Variants in DHX16 observed in about 807,000 individuals in gnomAD.
DHX16 encodes pre-mRNA-splicing factor ATP-dependent RNA helicase DHX16.
In DHX16, 81 loss-of-function variants were observed where a neutral mutation model predicts 131.2. That is an observed-to-expected ratio of 0.62 (90% CI 0.52 to 0.74). The LOEUF (loss-of-function observed/expected upper bound fraction) is 0.74, where lower values mean the gene tolerates loss of function less well. Ranked by LOEUF, DHX16 falls within the 30% of genes least tolerant of loss-of-function variation. The pLI is 0.00. For missense variants in DHX16, 980 were observed against 1,363.1 expected (o/e 0.72, Z 4.43); for synonymous variants, 440 against 520.2 (o/e 0.85, Z 2.10).
chr6:30,653,319 T>C lies in DHX16; in HGVS notation c.3049A>G (p.Lys1017Glu). The change falls in exon 20 of 20, where the codon AAG (lysine) becomes GAG (glutamate). Residue 1017 changes from lysine to glutamate, a missense_variant. By Grantham distance (56) the Lys-to-Glu change is moderately conservative. Around this residue, in one of 3 missense-constraint regions of DHX16, gnomAD observed 214 missense variants for 271.2 expected, o/e 0.79. Coordinates refer to ENST00000376442, the MANE Select transcript of DHX16 (RefSeq NM_003587.5). ...WLLEVAPHYY[K>E]AKELEDPHAK... is the part of the protein sequence containing the mutation. Reference sequence around the variant, plus strand: ...TGGGGATCTTCTAGCTCCTTGGCCTTATAATAATGGGGAGCCACCTCCAGA... The same window carrying C: ...TGGGGATCTTCTAGCTCCTTGGCCTCATAATAATGGGGAGCCACCTCCAGA... The C allele has an allele frequency of 2.5e-6, 4 of 1,612,998 alleles. No homozygotes were observed. The highest frequency in any genetic ancestry group is 3.4e-6 in the Non-Finnish European group (4 of 1,179,998).
intron 1 of DHX16, 100 bp from the exon 2 acceptor site, chr6:30,671,374 G>A: frequency 8.8e-7 from 1 of 1,130,976 alleles, no homozygotes; most frequent in Non-Finnish European, 1.3e-6. Flanking sequence ...AGTCTTTCCT[G>A]CCCCCGCGGC....
Position 30,656,574 on chromosome 6 carries a change from CCT to C in DHX16, c.2311+21_2311+22del. Reference sequence around the variant, plus strand: ...AGGACAGTGACTCCAGCCCCTCCCTCCTCTCTCAGGTAGCCCAATCACCTAAG... The same window carrying C: ...AGGACAGTGACTCCAGCCCCTCCCTCCTCTCAGGTAGCCCAATCACCTAAG... On this transcript the variant is annotated intron_variant, in intron 14 of 19. Coordinates refer to ENST00000376442, the MANE Select transcript of DHX16 (RefSeq NM_003587.5). This position sits in a 1 kb window ranked among gnomAD's most constrained non-coding sequence, Gnocchi z 5.1. 2.5e-6 allele frequency: 4 copies of C among 1,614,186 alleles called. No homozygotes were observed. Among genetic ancestry groups the C allele is most frequent in the Non-Finnish European group, 2.5e-6 (3 of 1,180,032 alleles).
rs779786078 is a variant in DHX16, at chr6:30,670,919, C to G, written c.480G>C (p.Ser160=). 6.2e-7 allele frequency: 1 copy of G among 1,613,084 alleles called. No individual in the cohort carries two copies. Among genetic ancestry groups the G allele is most frequent in the Non-Finnish European group, 8.5e-7 (1 of 1,180,030 alleles). The part of the protein sequence containing the change: ...GSKQQTEKPE[S]EDEWERTERE... ...GCTCTGTCCGTTCCCACTCATCTTC[C>G]GACTCTGGCTTCTCTGTCTGCTGTT... The change falls in exon 3 of 20, where the codon TCG becomes TCC. Residue 160 remains serine, a synonymous_variant. Coordinates refer to ENST00000376442, the MANE Select transcript of DHX16 (RefSeq NM_003587.5). This position sits in a 1 kb window ranked among gnomAD's most constrained non-coding sequence, Gnocchi z 4.4.
In DHX16 at chr6:30,672,965, T is replaced by C. The variant is rs960053284; in HGVS notation, c.-124A>G. 2 of 1,552,694 alleles carry C rather than the reference T, an allele frequency of 1.3e-6. No homozygotes were observed. The highest frequency in any genetic ancestry group is 1.7e-6 in the Non-Finnish European group (2 of 1,147,524). ...TTCGCAAGTCAGCTACCTTGGGACC[T>C]CTAGGATCTTCCGACATCCCAAAGC... On this transcript the variant is annotated 5_prime_UTR_variant, in exon 1 of 20. Coordinates refer to ENST00000376442, the MANE Select transcript of DHX16 (RefSeq NM_003587.5).
At position 30,662,914 on chromosome 6, in the gene DHX16, A is replaced by G; in HGVS notation, c.1425T>C (p.Asn475=). The G allele has an allele frequency of 1.2e-6, 2 of 1,612,798 alleles. No homozygotes were observed. Among genetic ancestry groups the G allele is most frequent in the African/African-American group, 2.7e-5 (2 of 74,982 alleles). ...VAREMGVKLG[N]EVGYSIRFED... is the part of the protein sequence containing the mutation. ...CCCGGTTCCCTAGAAATCTCACCTC[A>G]TTCCCAAGCTTCACACCCATCTCCC... is the stretch of plus-strand genomic sequence containing the variant. Residue 475 remains asparagine, a synonymous_variant, in exon 8 of 20, where the codon AAT becomes AAC. Transcript: ENST00000376442. The surrounding 1 kb of genome is among the most constrained non-coding windows in gnomAD (Gnocchi z 4.7).
Position 30,665,867 on chromosome 6 carries a change from G to A in DHX16, c.667-134C>T. On this transcript the variant is annotated intron_variant, in intron 4 of 19. Coordinates refer to ENST00000376442, the MANE Select transcript of DHX16 (RefSeq NM_003587.5). The surrounding 1 kb of genome is among the most constrained non-coding windows in gnomAD (Gnocchi z 4.8). ...AGGATGCACCCTCTACCTTCCCTCT[G>A]CAATGCACAACCAAAACAATGACAT... The A allele has an allele frequency of 3.5e-6, 4 of 1,142,506 alleles. No individual in the cohort carries two copies. Among genetic ancestry groups the A allele is most frequent in the Non-Finnish European group, 3.6e-6 (3 of 825,342 alleles). The allele number at this position is 1,142,506 out of a possible 1,614,324, so 70.8% of individuals were successfully genotyped here. A position where few individuals can be genotyped will look rare whatever the true frequency, so the allele number is the denominator to read the frequency against.
Position 30,670,647 on chromosome 6 carries a change from A to T in DHX16, c.609+143T>A. ...CAGTTGTCTTAGCCACAGGATGCACAGGGCTTCTCTCACCACAGAGGTGAA... is the reference window on the plus strand; with the variant it reads ...CAGTTGTCTTAGCCACAGGATGCACTGGGCTTCTCTCACCACAGAGGTGAA... On this transcript the variant is annotated intron_variant, in intron 3 of 19. Coordinates refer to ENST00000376442, the MANE Select transcript of DHX16 (RefSeq NM_003587.5). The surrounding 1 kb of genome is among the most constrained non-coding windows in gnomAD (Gnocchi z 4.4). 7.8e-7 allele frequency: 1 copy of T among 1,278,672 alleles called. No individual in the cohort carries two copies. The allele number at this position is 1,278,672 out of a possible 1,614,324, so 79.2% of individuals were successfully genotyped here.
Position 30,662,576 on chromosome 6 carries a change from T to C in DHX16, c.1544+51A>G. ...GGTGGATTAATCAGAAGACAATGGC[T>C]GAATTGGCTGGGTGGGAAGAAGGGA... On this transcript the variant is annotated intron_variant, in intron 9 of 19. Transcript: ENST00000376442. This position sits in a 1 kb window ranked among gnomAD's most constrained non-coding sequence, Gnocchi z 4.7. The C allele has an allele frequency of 6.7e-7, 1 of 1,483,320 alleles. No individual in the cohort carries two copies. Among genetic ancestry groups the C allele is most frequent in the Non-Finnish European group, 9.4e-7 (1 of 1,064,380 alleles). 91.9% of individuals were successfully genotyped at this position (1,483,320 alleles called of 1,614,324 possible).
rs1769469589 is a variant in DHX16 at position 30,670,868 on chromosome 6, C to T, written c.531G>A (p.Glu177=). ...GAACCCGCTCAGCAAAGGCATCACG[C>T]TCCTCCAGGTCCTGAAGGCGTTCAC... ...TERERLQDLE[E]RDAFAERVRQ... The change falls in exon 3 of 20, where the codon GAG becomes GAA. Residue 177 remains glutamate, a synonymous_variant. Coordinates refer to ENST00000376442, the MANE Select transcript of DHX16 (RefSeq NM_003587.5). The surrounding 1 kb of genome is among the most constrained non-coding windows in gnomAD (Gnocchi z 4.4). 6.2e-7 allele frequency: 1 copy of T among 1,613,124 alleles called. No homozygotes were observed. Among genetic ancestry groups the T allele is most frequent in the Non-Finnish European group, 8.5e-7 (1 of 1,180,044 alleles).
chr6:30,668,862 T>C (rs1315062341), intron 4 of DHX16, among the ~76,000 whole-genome samples: 1 of 152,076 alleles, frequency 6.6e-6, no homozygotes, highest in East Asian at 1.9e-4. Context: ...TCCCAGCACT[T>C]TGGGAGGCCG....
chr6:30,671,922 A>G (rs1406996931), intron 1 of DHX16, among the ~76,000 whole-genome samples: 2 of 150,978 alleles, frequency 1.3e-5, no homozygotes, highest in African/African-American at 4.9e-5. Context: ...GGCTCAAGTA[A>G]TCCTCCTGCC....
Position 30,665,361 on chromosome 6 carries a change from GC to G in DHX16, c.922-88del. On this transcript the variant is annotated intron_variant, in intron 5 of 19. Coordinates refer to ENST00000376442, the MANE Select transcript of DHX16 (RefSeq NM_003587.5). The surrounding 1 kb of genome is among the most constrained non-coding windows in gnomAD (Gnocchi z 4.8). ...CTTCCCATTACTACCCCCGCCCACT[GC>G]CCATTGGGAACGGCAAGGCAAGAAA... is the stretch of plus-strand genomic sequence containing the variant. 1 of 1,585,162 alleles carries G rather than the reference GC, an allele frequency of 6.3e-7. No homozygotes were observed. Among genetic ancestry groups the G allele is most frequent in the South Asian group, 1.1e-5 (1 of 89,174 alleles).
chr6:30,662,577 G>T lies in DHX16; in HGVS notation c.1544+50C>A. On this transcript the variant is annotated intron_variant, in intron 9 of 19. Coordinates refer to ENST00000376442, the MANE Select transcript of DHX16 (RefSeq NM_003587.5). The surrounding 1 kb of genome is among the most constrained non-coding windows in gnomAD (Gnocchi z 4.7). ...GTGGATTAATCAGAAGACAATGGCT[G>T]AATTGGCTGGGTGGGAAGAAGGGAG... The T allele has an allele frequency of 6.7e-7, 1 of 1,490,862 alleles. No individual in the cohort carries two copies. The highest frequency in any genetic ancestry group is 9.3e-7 in the Non-Finnish European group (1 of 1,070,984). The allele number at this position is 1,490,862 out of a possible 1,614,324, so 92.4% of individuals were successfully genotyped here. A position where few individuals can be genotyped will look rare whatever the true frequency, so the allele number is the denominator to read the frequency against.
chr6:30,671,266 T>C lies in DHX16; in HGVS notation c.216A>G (p.Arg72=). 1 of 1,612,930 alleles carries C rather than the reference T, an allele frequency of 6.2e-7. No individual in the cohort carries two copies. The highest frequency in any genetic ancestry group is 1.1e-5 in the South Asian group (1 of 91,084). Residue 72 remains arginine (R), a synonymous_variant, in exon 2 of 20, where the codon CGA becomes CGG. Transcript: ENST00000376442. ...FALRLWNKVP[R]KAVVEKPARA... The stretch of plus-strand genomic sequence containing the variant: ...GAGCTGGCTTTTCTACCACTGCCTT[T>C]CGTGGTACCTGTCAGTAGAGGGGAA...
chr6:30,669,554 G>C (rs1235555599), intron 4 of DHX16, among the ~76,000 whole-genome samples: 1 of 151,376 alleles, frequency 6.6e-6, no homozygotes, highest in African/African-American at 2.4e-5. Flanking sequence ...TCAGGGGTTC[G>C]AGACCACCCT....
At chr6:30,657,378 G>C (rs3094100) in intron 12 of DHX16, among the ~76,000 whole-genome samples, 22,621 of 150,204 alleles carry the variant, frequency 0.15, 2,843 homozygotes, top group African/African-American at 0.33. Context: ...GTTCCTGCCC[G>C]ATCCTCCCCA....
Position 30,656,520 on chromosome 6 carries a change from G to A in DHX16, c.2312-11C>T. ...TTAGGTCATGGATCCCTAGAAAGAGGTGTGATGGATGGAACAGAGTCCCTT... is the reference window on the plus strand; with the variant it reads ...TTAGGTCATGGATCCCTAGAAAGAGATGTGATGGATGGAACAGAGTCCCTT... On this transcript the variant is annotated splice_polypyrimidine_tract_variant and intron_variant, in intron 14 of 19. Coordinates refer to ENST00000376442, the MANE Select transcript of DHX16 (RefSeq NM_003587.5). The surrounding 1 kb of genome is among the most constrained non-coding windows in gnomAD (Gnocchi z 5.1). 1 of 1,614,126 alleles carries A rather than the reference G, an allele frequency of 6.2e-7. No individual in the cohort carries two copies.
At chr6:30,658,847 T>G (rs1768217505) in intron 12 of DHX16, among the ~76,000 whole-genome samples, 1 of 152,186 alleles carries the variant, frequency 6.6e-6, no homozygotes, top group Non-Finnish European at 1.5e-5. Context: ...GCTCACACTC[T>G]GACCTCAAAC....
chr6:30,667,930 CAG>C (rs1459260011), intron 4 of DHX16, among the ~76,000 whole-genome samples: 1 of 152,156 alleles, frequency 6.6e-6, no homozygotes. Flanking sequence ...GTGAGACAGA[CAG>C]AGAGAGAAAC....
Sources: gnomAD v4.1 joint callset for allele counts (sites outside exome capture counted in the v4.1 genomes callset) on GRCh38, gnomAD v4.1.1 for gene constraint, gnomAD v4.1.1 regional missense constraint, Gnocchi (gnomAD v3.1) non-coding constraint, MANE v1.5 for transcripts, NCBI Gene and HGNC (gene_info 2026-07-23, HGNC 2026-07-21) for gene names.